PRKCI: variants seen among roughly 807,000 people sequenced by gnomAD.
PRKCI encodes the protein protein kinase C iota, also known as protein kinase C iota type.
PRKCI carries 43 observed loss-of-function variants against 84.0 expected under a neutral mutation model. The ratio of observed to expected loss-of-function variants is 0.51; its 90% CI spans 0.40 to 0.66. The LOEUF (loss-of-function observed/expected upper bound fraction) is 0.66. Among genes scored for constraint, PRKCI ranks in the 30% least tolerant of loss-of-function variants. The pLI is 0.00. For synonymous variants in PRKCI, 216 were observed against 234.4 expected, an observed-to-expected ratio of 0.92 and a Z score of 0.72; for missense variants, 459 against 745.6, an observed-to-expected ratio of 0.62 and a Z score of 4.48.
At chr3:170,302,953 A>C in intron 17 of PRKCI, 87 bp from the exon 18 acceptor site, 3 of 908,368 alleles carry the variant, frequency 3.3e-6, no homozygotes, top group Non-Finnish European at 3.2e-6. Flanking sequence ...AATTAGCCTA[A>C]TTACTTGATT....
chr3:170,276,902 C>T (rs185473347), intron 8 of PRKCI, among the ~76,000 whole-genome samples: 1 of 151,958 alleles, frequency 6.6e-6, no homozygotes, highest in East Asian at 1.9e-4. Flanking sequence ...GATCTCATAT[C>T]CAGAATTTAT....
chr3:170,267,805 AT>A (rs934757129), intron 4 of PRKCI, 109 bp from the exon 5 acceptor site: 424 of 650,556 alleles, frequency 6.5e-4, no homozygotes, highest in Middle Eastern at 1.1e-3. Context: ...TTTTATCAGT[AT>A]TTTTTTTTCT....
chr3:170,273,253 A>G (rs770207275), intron 6 of PRKCI, 33 bp from the exon 7 acceptor site: 1 of 1,580,536 alleles, frequency 6.3e-7, no homozygotes, highest in Non-Finnish European at 8.7e-7. Context: ...GAGGTACTCC[A>G]CTGAGTTACT....
intron 8 of PRKCI, among the ~76,000 whole-genome samples, chr3:170,278,654 TTAAA>T (rs939597286): frequency 1.4e-4 from 21 of 152,174 alleles, no homozygotes; most frequent in African/African-American, 3.9e-4. Context: ...AGACCTTTTC[TTAAA>T]TAAATAAATA....
chr3:170,260,324 G>A (rs1016085146), intron 3 of PRKCI, among the ~76,000 whole-genome samples: 11 of 152,130 alleles, frequency 7.2e-5, no homozygotes, highest in African/African-American at 2.7e-4. Flanking sequence ...GCAAATTTAT[G>A]ATAGAACTTA....
chr3:170,237,772 T>A (rs1733016600), intron 2 of PRKCI, among the ~76,000 whole-genome samples: 1 of 152,190 alleles, frequency 6.6e-6, no homozygotes, highest in South Asian at 2.1e-4. Context: ...GTAATTCATG[T>A]TCACTGTTCA....
intron 6 of PRKCI, among the ~76,000 whole-genome samples, chr3:170,272,210 A>G (rs1381670792): frequency 6.6e-6 from 1 of 152,212 alleles, no homozygotes; most frequent in African/African-American, 2.4e-5. Flanking sequence ...AAAGATACGC[A>G]TTTAAAAAAA....
In PRKCI at chr3:170,248,954, T is replaced by C. The variant is rs556291842; in HGVS notation, c.224-11015T>C. Among the ~76,000 whole-genome samples the C allele has an allele frequency of 3.9e-5, 6 of 152,072 alleles. No individual in the cohort carries two copies. The South Asian group carries it at 1.2e-3, about 32-fold the overall frequency. The stretch of plus-strand genomic sequence containing the variant: ...GCTCCACCTCCCAGGTTCATGCCAT[T>C]CTCCTGCCTCAGCCTCCTTTGTAGC... On this transcript the variant is annotated intron_variant, in intron 2 of 17. Transcript: ENST00000295797.
At chr3:170,245,945 C>CTCTGTTTTT (rs1733265090) in intron 2 of PRKCI, among the ~76,000 whole-genome samples, 1 of 95,184 alleles carries the variant, frequency 1.1e-5, no homozygotes, top group Non-Finnish European at 2.0e-5. Context: ...GATGTTATGT[C>CTCTGTTTTT]TTTGTTTTTT....
intron 8 of PRKCI, among the ~76,000 whole-genome samples, chr3:170,277,306 A>C (rs1366875974): frequency 6.6e-6 from 1 of 152,070 alleles, no homozygotes; most frequent in Admixed American, 6.6e-5. Flanking sequence ...AATAAGACCT[A>C]TAAGCAGCCA....
rs1234602972 is a variant in PRKCI, at chr3:170,275,429, T to C, written c.705+142T>C. ...AATGATTTGTAATGATTCCAGAGTT[T>C]TATTCTGATTTAATTTAGTAATTAA... On this transcript the variant is annotated intron_variant, in intron 8 of 17. Coordinates refer to ENST00000295797, the MANE Select transcript of PRKCI (RefSeq NM_002740.6). 4.8e-5 allele frequency: 33 copies of C among 685,016 alleles called. No individual in the cohort carries two copies. In the East Asian group the frequency reaches 1.0e-3, roughly 21 times the overall value. The allele number at this position is 685,016 out of a possible 1,614,324, so 42.4% of individuals were successfully genotyped here. A position where few individuals can be genotyped will look rare whatever the true frequency, so the allele number is the denominator to read the frequency against.
Position 170,259,995 on chromosome 3 carries a change from T to C in PRKCI, c.250T>C (p.Leu84=), listed in dbSNP as rs1733682017. The change falls in exon 3 of 18, where the codon TTG becomes CTG. Residue 84 remains leucine, a synonymous_variant. Coordinates refer to ENST00000295797, the MANE Select transcript of PRKCI (RefSeq NM_002740.6). ...EGDPCTVSSQ[L]ELEEAFRLYE... is the part of the protein sequence containing the mutation. Reference sequence around the variant, plus strand: ...AGACCCGTGTACAGTATCATCTCAGTTGGAGTTAGAAGAAGCCTTTAGACT... The same window carrying C: ...AGACCCGTGTACAGTATCATCTCAGCTGGAGTTAGAAGAAGCCTTTAGACT... 1.2e-6 allele frequency: 2 copies of C among 1,613,096 alleles called. No individual in the cohort carries two copies. The highest frequency in any genetic ancestry group is 1.7e-5 in the Admixed American group (1 of 59,934).
rs1417376617 is a variant in PRKCI at position 170,304,733 on chromosome 3, CCTT to C, written c.*1609_*1611del. 1 of 151,972 alleles carries C rather than the reference CCTT, an allele frequency of 6.6e-6. No homozygotes were observed. The highest frequency in any genetic ancestry group is 6.6e-5 in the Admixed American group (1 of 15,262). 9.4% of individuals were successfully genotyped at this position (151,972 alleles called of 1,614,324 possible). A position where few individuals can be genotyped will look rare whatever the true frequency, so the allele number is the denominator to read the frequency against. On this transcript the variant is annotated 3_prime_UTR_variant, in exon 18 of 18. Coordinates refer to ENST00000295797, the MANE Select transcript of PRKCI (RefSeq NM_002740.6). ...TTTAAAGGGGTGCCAAATATAGCAT[CCTT>C]CTGTTGTTTATTTTAAATATATTTT...
chr3:170,298,828 G>A (rs926178454), intron 16 of PRKCI, among the ~76,000 whole-genome samples, 167 bp from the exon 17 acceptor site: 1 of 151,954 alleles, frequency 6.6e-6, no homozygotes, highest in South Asian at 2.1e-4. Flanking sequence ...GGCGTGAGCC[G>A]CCATGCCCAG....
intron 1 of PRKCI, among the ~76,000 whole-genome samples, chr3:170,231,215 C>T (rs2108835369): frequency 6.6e-6 from 1 of 151,970 alleles, no homozygotes; most frequent in Non-Finnish European, 1.5e-5. Context: ...TCTGCCTCGG[C>T]CTCCCGGAGT....
Position 170,222,758 on chromosome 3 carries a change from C to T in PRKCI, c.89C>T (p.Ala30Val), listed in dbSNP as rs1283562436. 3 of 1,610,232 alleles carry T rather than the reference C, an allele frequency of 1.9e-6. No homozygotes were observed. The highest frequency in any genetic ancestry group is 2.5e-6 in the Non-Finnish European group (3 of 1,178,932). ...CATTCCCACCAGGTCCGGGTGAAAG[C>T]CTACTACCGCGGGTGAGTGTCCTGG... The part of the protein sequence containing the change: ...GDHSHQVRVK[A>V]YYRGDIMITH... The change falls in exon 1 of 18, where the codon GCC (alanine) becomes GTC (valine). Residue 30 changes from alanine (A) to valine (V), a missense_variant. This residue lies in a region of PRKCI where 250 missense variants were observed against 319.7 expected (regional missense o/e 0.78). Coordinates refer to ENST00000295797, the MANE Select transcript of PRKCI (RefSeq NM_002740.6).
At chr3:170,236,047 A>G (rs1053383751) in intron 2 of PRKCI, among the ~76,000 whole-genome samples, 9 of 151,208 alleles carry the variant, frequency 6.0e-5, no homozygotes, top group African/African-American at 1.9e-4. Flanking sequence ...TGACCTCCCA[A>G]AGTACTGGGA....
chr3:170,280,533 C>T, intron 9 of PRKCI, 130 bp downstream of exon 9: 1 of 771,788 alleles, frequency 1.3e-6, no homozygotes, highest in South Asian at 2.1e-5. Context: ...ACTGCAACCT[C>T]TGCCTCCCAG....
At chr3:170,224,722 C>T (rs1732585786) in intron 1 of PRKCI, among the ~76,000 whole-genome samples, 1 of 152,114 alleles carries the variant, frequency 6.6e-6, no homozygotes, top group Admixed American at 6.5e-5. Context: ...CGGGGTTTCA[C>T]CATATTGGCC....
Sources: allele counts gnomAD v4.1 joint callset (sites outside exome capture counted in the v4.1 genomes callset), GRCh38; gene constraint gnomAD v4.1.1; regional missense constraint gnomAD v4.1.1; transcripts MANE v1.5; gene names NCBI Gene and HGNC (gene_info 2026-07-23, HGNC 2026-07-21).